TLK2: variants seen among roughly 807,000 people sequenced by gnomAD.
The protein encoded by TLK2 is tousled like kinase 2.
A neutral mutation model predicts 117.3 loss-of-function variants in TLK2; 6 were observed. That is an observed-to-expected ratio of 0.05 (90% CI 0.03 to 0.10). The LOEUF is 0.10. Among genes scored for constraint, TLK2 ranks in the 10% least tolerant of loss-of-function variants. The pLI is 1.00. For missense variants in TLK2, 299 were observed against 901.2 expected, an observed-to-expected ratio of 0.33 and a Z score of 8.56; for synonymous variants, 257 against 316.7, an observed-to-expected ratio of 0.81 and a Z score of 2.00.
chr17:62,550,598 T>C (rs184443982), intron 7 of TLK2: 3 of 152,288 alleles, frequency 2.0e-5, no homozygotes, highest in Admixed American at 2.0e-4. Flanking sequence ...GCGTTAATAA[T>C]GCTGCCTATC....
chr17:62,478,535 G>A (rs2071186756), upstream of TLK2, among the ~76,000 whole-genome samples: 1 of 149,924 alleles, frequency 6.7e-6, no homozygotes, highest in South Asian at 2.1e-4. Flanking sequence ...CTCCCCTCGC[G>A]TTGCGGCCCG....
chr17:62,591,677 T>C (rs940591658), intron 16 of TLK2, among the ~76,000 whole-genome samples: 14 of 152,200 alleles, frequency 9.2e-5, no homozygotes, highest in East Asian at 3.8e-4. Context: ...ATAGTTTCCA[T>C]TGGGGAAAAA....
At chr17:62,514,532 T>G (rs1390088196) in intron 2 of TLK2, among the ~76,000 whole-genome samples, 8 of 151,940 alleles carry the variant, frequency 5.3e-5, no homozygotes, top group African/African-American at 1.9e-4. Context: ...AAAAACTTTT[T>G]AATTGTGGTA....
chr17:62,545,827 C>T (rs1480312634), intron 7 of TLK2, among the ~76,000 whole-genome samples: 1 of 152,014 alleles, frequency 6.6e-6, no homozygotes, highest in Admixed American at 6.6e-5. Context: ...CTCAGCCTCC[C>T]CAAATAGCTG....
intron 2 of TLK2, 114 bp downstream of exon 2, chr17:62,481,320 G>C (rs2071617812): frequency 8.6e-7 from 1 of 1,160,278 alleles, no homozygotes; most frequent in Admixed American, 2.3e-5. Flanking sequence ...GAGAAGATTT[G>C]GGTCTTAATT....
At chr17:62,489,747 T>TTATTA (rs2144655056) in intron 2 of TLK2, among the ~76,000 whole-genome samples, 1 of 152,336 alleles carries the variant, frequency 6.6e-6, no homozygotes, top group East Asian at 1.9e-4. Flanking sequence ...ACATTTTGCA[T>TTATTA]TATTAGTGTC....
chr17:62,473,983 C>T (rs2070990035), upstream of TLK2, among the ~76,000 whole-genome samples: 2 of 152,170 alleles, frequency 1.3e-5, no homozygotes, highest in Non-Finnish European at 2.9e-5. Context: ...GCAACCTCCA[C>T]CTTCTGGGCT....
At chr17:62,473,630 G>C (rs1417653339) in intron 1 of TLK2, among the ~76,000 whole-genome samples, 1 of 152,204 alleles carries the variant, frequency 6.6e-6, no homozygotes, top group African/African-American at 2.4e-5. Flanking sequence ...ATCTGCGTTT[G>C]AACAAGCCCT....
At chr17:62,531,529 C>G (rs2096121549) in intron 6 of TLK2, among the ~76,000 whole-genome samples, 2 of 151,954 alleles carry the variant, frequency 1.3e-5, no homozygotes, top group African/African-American at 4.8e-5. Context: ...TCTGGTGTCC[C>G]TTGTTTTTCT....
intron 20 of TLK2, among the ~76,000 whole-genome samples, chr17:62,607,188 A>G (rs1300139988): frequency 6.6e-6 from 1 of 151,830 alleles, no homozygotes; most frequent in Non-Finnish European, 1.5e-5. Context: ...GTATAGAGAG[A>G]CTTGAGTTGA....
At chr17:62,564,273 C>T (rs1010741626) in intron 10 of TLK2, among the ~76,000 whole-genome samples, 1 of 151,946 alleles carries the variant, frequency 6.6e-6, no homozygotes, top group Non-Finnish European at 1.5e-5. Flanking sequence ...TGTGGTGGCT[C>T]ACGCCTGTAA....
At chr17:62,539,838 T>G (rs555087999) in intron 7 of TLK2, among the ~76,000 whole-genome samples, 8 of 152,154 alleles carry the variant, frequency 5.3e-5, no homozygotes, top group African/African-American at 7.2e-5. Flanking sequence ...TTACTAAAAT[T>G]TAACTCCTAT....
chr17:62,545,088 G>A (rs1462336880), intron 7 of TLK2, among the ~76,000 whole-genome samples: 2 of 151,992 alleles, frequency 1.3e-5, no homozygotes, highest in Non-Finnish European at 2.9e-5. Flanking sequence ...GTGCAGTGGT[G>A]CGATCTCAGC....
At chr17:62,554,426 A>C (rs1249234626) in intron 9 of TLK2, among the ~76,000 whole-genome samples, 1 of 152,132 alleles carries the variant, frequency 6.6e-6, no homozygotes, top group African/African-American at 2.4e-5. Context: ...CTAAAAAAAT[A>C]TAAAACGTTA....
rs182407988 is a variant in TLK2 at position 62,564,045 on chromosome 17, G to A, written c.832-956G>A. ...AGATAGAGAAGAAACAGAAAATAGG[G>A]AAACAGCTTAAGAGCTAGGCATTGA... On this transcript the variant is annotated intron_variant, in intron 10 of 21. Coordinates refer to ENST00000346027, the MANE Select transcript of TLK2 (RefSeq NM_006852.6). Among the ~76,000 whole-genome samples the A allele has an allele frequency of 2.4e-3, 358 of 152,256 alleles. 2 individuals carry two copies. Among genetic ancestry groups the A allele is most frequent in the African/African-American group, 7.3e-3 (304 of 41,542 alleles).
rs539565397 is a variant in TLK2, at chr17:62,501,942, A to G, written c.82-18831A>G. Among the ~76,000 whole-genome samples, 7 of 152,128 alleles carry G rather than the reference A, an allele frequency of 4.6e-5. No homozygotes were observed. In the East Asian group the frequency reaches 1.2e-3, roughly 25 times the overall value. On this transcript the variant is annotated intron_variant, in intron 2 of 21. Coordinates refer to ENST00000346027, the MANE Select transcript of TLK2 (RefSeq NM_006852.6). ...GCACAATCAGTGTCACAAACAAACA[A>G]TCAAACAAAGTCTTCCTAAAAAGAA... is the stretch of plus-strand genomic sequence containing the variant.
chr17:62,580,210 G>T lies in TLK2; in HGVS notation c.1368+18G>T, dbSNP rs1214897594. ...TTTACAAGGTAAGTATAAGGAACTG[G>T]ATACAAAGACTGGGGGTTAAATTAT... On this transcript the variant is annotated intron_variant, in intron 15 of 21. Transcript: ENST00000346027. 4.4e-6 allele frequency: 7 copies of T among 1,584,514 alleles called. No homozygotes were observed. In the East Asian group the frequency reaches 9.0e-5, roughly 20 times the overall value.
At chr17:62,493,593 G>T (rs901470161) in intron 2 of TLK2, among the ~76,000 whole-genome samples, 4 of 152,178 alleles carry the variant, frequency 2.6e-5, no homozygotes, top group Non-Finnish European at 5.9e-5. Context: ...CTAGAAAATA[G>T]TGGTTCTTTT....
chr17:62,521,684 G>A (rs1301421406), intron 3 of TLK2, among the ~76,000 whole-genome samples: 3 of 152,096 alleles, frequency 2.0e-5, no homozygotes, highest in African/African-American at 7.2e-5. Flanking sequence ...AGTGCCTGGC[G>A]AAGACTTTTT....
Sources: gnomAD v4.1 joint callset for allele counts (sites outside exome capture counted in the v4.1 genomes callset) on GRCh38, gnomAD v4.1.1 for gene constraint, MANE v1.5 for transcripts, NCBI Gene and HGNC (gene_info 2026-07-23, HGNC 2026-07-21) for gene names.